The following ZNF229 variants were observed in gnomAD, a reference collection of about 807,000 sequenced individuals.
ZNF229 encodes the protein zinc finger protein 229.
ZNF229 carries 10 observed loss-of-function variants against 11.8 expected under a neutral mutation model. That is an observed-to-expected ratio of 0.85 (90% confidence interval 0.52 to 1.44). ZNF229 has a LOEUF of 1.44. ZNF229 is among the 40% of genes most tolerant of loss of function. The pLI is 0.00. For missense variants in ZNF229, 1,045 were observed against 1,015.1 expected (o/e 1.03, Z -0.40); for synonymous variants, 368 against 374.8 (o/e 0.98, Z 0.21).
In ZNF229 at chr19:44,432,336, C is replaced by A; in HGVS notation, c.124G>T (p.Val42Phe). ...EPLSFKDVAV[V>F]FTEEELELLD... ...AGCTCTAGCTCCTCCTCAGTGAAGA[C>A]CACAGCCACGTCCTTGAAGCTCAAT... is the stretch of plus-strand genomic sequence containing the variant. The change falls in exon 5 of 6, where the codon GTC (valine) becomes TTC (phenylalanine). Residue 42 changes from valine (V) to phenylalanine (F), a missense_variant. By Grantham distance (50) the Val-to-Phe change is conservative. Transcript: ENST00000614049. 1.2e-6 allele frequency: 2 copies of A among 1,613,558 alleles called. No individual in the cohort carries two copies. The highest frequency in any genetic ancestry group is 1.7e-6 in the Non-Finnish European group (2 of 1,179,878).
Position 44,430,258 on chromosome 19 carries a change from C to T in ZNF229, c.523G>A (p.Ala175Thr). ...LIGLENQQFP[A>T]WRAIRPIPIQ... Reference sequence around the variant, plus strand: ...GGGATTGGTCTTATAGCTCTCCAGGCTGGAAACTGTTGATTTTCTAGACCG... The same window carrying T: ...GGGATTGGTCTTATAGCTCTCCAGGTTGGAAACTGTTGATTTTCTAGACCG... Residue 175 changes from alanine to threonine, a missense_variant, in exon 6 of 6, where the codon GCC becomes ACC. By Grantham distance (58) the Ala-to-Thr change is moderately conservative (BLOSUM62 0). Coordinates refer to ENST00000614049, the MANE Select transcript of ZNF229 (RefSeq NM_014518.4). 6.2e-7 allele frequency: 1 copy of T among 1,614,146 alleles called. No individual in the cohort carries two copies. The highest frequency in any genetic ancestry group is 8.5e-7 in the Non-Finnish European group (1 of 1,180,052).
At position 44,429,638 on chromosome 19, in the gene ZNF229, C is replaced by T; in HGVS notation, c.1143G>A (p.Glu381=). ...HTGRRPYKCE[E]CGKAFGRSSN... ...AACTTCGACCAAATGCCTTCCCACA[C>T]TCCTCACATTTATAGGGTCTCCTTC... The change falls in exon 6 of 6, where the codon GAG becomes GAA. Residue 381 remains glutamate (E), a synonymous_variant. Coordinates refer to ENST00000614049, the MANE Select transcript of ZNF229 (RefSeq NM_014518.4). The T allele has an allele frequency of 1.9e-6, 3 of 1,614,132 alleles. No individual in the cohort carries two copies. Among genetic ancestry groups the T allele is most frequent in the South Asian group, 1.1e-5 (1 of 91,088 alleles).
chr19:44,435,555 G>A (rs1464473245), intron 4 of ZNF229, among the ~76,000 whole-genome samples: 1 of 151,108 alleles, frequency 6.6e-6, no homozygotes, highest in Non-Finnish European at 1.5e-5. Context: ...GAGACTCGGT[G>A]CCCAGGGTTT....
chr19:44,432,051 C>G, intron 5 of ZNF229, 171 bp downstream of exon 5: 1 of 1,297,622 alleles, frequency 7.7e-7, no homozygotes, highest in Non-Finnish European at 1.0e-6. Context: ...TGATCTCAGA[C>G]TGTGCCTTCC....
intron 3 of ZNF229, 67 bp from the exon 4 acceptor site, chr19:44,442,688 G>T: frequency 6.2e-7 from 1 of 1,604,030 alleles, no homozygotes; most frequent in East Asian, 2.2e-5. Flanking sequence ...CATCTACCTG[G>T]TAGGAAGGTG....
chr19:44,428,604 C>T lies in ZNF229; in HGVS notation c.2177G>A (p.Gly726Asp), dbSNP rs777199727. The T allele has an allele frequency of 1.2e-6, 2 of 1,613,688 alleles. No individual in the cohort carries two copies. The highest frequency in any genetic ancestry group is 1.7e-4 in the Middle Eastern group (1 of 6,056). ...GTGCACTCTCTTATGACTAAGGAGACCTGAGCCATATCTGAAACCCTTCCC... is the reference window on the plus strand; with the variant it reads ...GTGCACTCTCTTATGACTAAGGAGATCTGAGCCATATCTGAAACCCTTCCC... ...ECGKGFRYGS[G>D]LLSHKRVHTG... The change falls in exon 6 of 6, where the codon GGT becomes GAT. Residue 726 changes from glycine to aspartate, a missense_variant. Transcript: ENST00000614049.
intron 4 of ZNF229, among the ~76,000 whole-genome samples, chr19:44,440,161 A>G (rs1035741520): frequency 6.6e-6 from 1 of 152,178 alleles, no homozygotes; most frequent in Non-Finnish European, 1.5e-5. Flanking sequence ...TGTAAAAAAA[A>G]TCGCAGCTAG....
chr19:44,437,113 T>C (rs1322595489), intron 4 of ZNF229, among the ~76,000 whole-genome samples: 1 of 152,046 alleles, frequency 6.6e-6, no homozygotes, highest in Non-Finnish European at 1.5e-5. Flanking sequence ...CAAAAATAAA[T>C]TACAGTTATA....
In ZNF229 at chr19:44,430,990, G is replaced by A. The variant is rs1005472873; in HGVS notation, c.239-448C>T. Among the ~76,000 whole-genome samples the A allele has an allele frequency of 1.4e-4, 21 of 152,212 alleles. 1 individual carries two copies. The highest frequency in any genetic ancestry group is 4.8e-4 in the African/African-American group (20 of 41,498). On this transcript the variant is annotated intron_variant, in intron 5 of 5. Coordinates refer to ENST00000614049, the MANE Select transcript of ZNF229 (RefSeq NM_014518.4). ...ATGAAACCAAGTCAGAGAGAGGGTAGGTAACCTAGCACACTATTCCACCAT... is the reference window on the plus strand; with the variant it reads ...ATGAAACCAAGTCAGAGAGAGGGTAAGTAACCTAGCACACTATTCCACCAT...
At position 44,435,348 on chromosome 19, in the gene ZNF229, T is replaced by C. The variant is rs1473197434; in HGVS notation, c.94-2982A>G. Among the ~76,000 whole-genome samples the C allele has an allele frequency of 3.9e-5, 6 of 152,168 alleles. No individual in the cohort carries two copies. The East Asian group carries it at 9.6e-4, about 24-fold the overall frequency. ...AGGAGCTGATATACAGTGACACTCA[T>C]GGCTAAGACTTACTACGGTGAAAGA... is the stretch of plus-strand genomic sequence containing the variant. On this transcript the variant is annotated intron_variant, in intron 4 of 5. Coordinates refer to ENST00000614049, the MANE Select transcript of ZNF229 (RefSeq NM_014518.4).
At chr19:44,439,642 C>T (rs1228468448) in intron 4 of ZNF229, among the ~76,000 whole-genome samples, 1 of 151,982 alleles carries the variant, frequency 6.6e-6, no homozygotes, top group Non-Finnish European at 1.5e-5. Context: ...CAGGGTTTCA[C>T]CATGTTGGCC....
chr19:44,432,835 TATA>T (rs778174975), intron 4 of ZNF229, among the ~76,000 whole-genome samples: 6 of 151,728 alleles, frequency 4.0e-5, no homozygotes, highest in Non-Finnish European at 7.4e-5. Context: ...AAACTTAAAG[TATA>T]ATAATAATAA....
In ZNF229 at chr19:44,427,745, A is replaced by G. The variant is rs1971604319; in HGVS notation, c.*558T>C. On this transcript the variant is annotated 3_prime_UTR_variant, in exon 6 of 6. Coordinates refer to ENST00000614049, the MANE Select transcript of ZNF229 (RefSeq NM_014518.4). The stretch of plus-strand genomic sequence containing the variant: ...GATAAAACAGTCATAAAAACATGAT[A>G]AAAATGTGAGACACACACATCACCC... 6.5e-6 allele frequency: 1 copy of G among 152,824 alleles called. No homozygotes were observed. The highest frequency in any genetic ancestry group is 1.9e-4 in the East Asian group (1 of 5,216). The allele number at this position is 152,824 out of a possible 1,614,324, so 9.5% of individuals were successfully genotyped here.
chr19:44,437,915 G>T (rs1044786321), intron 4 of ZNF229, among the ~76,000 whole-genome samples: 1 of 152,178 alleles, frequency 6.6e-6, no homozygotes, highest in Admixed American at 6.5e-5. Flanking sequence ...GGAGGTAAAT[G>T]ATGAGAACGC....
rs749816463 is a variant in ZNF229 at position 44,429,733 on chromosome 19, T to C, written c.1048A>G (p.Arg350Gly). The change falls in exon 6 of 6, where the codon AGA becomes GGA. Residue 350 changes from arginine (R) to glycine (G), a missense_variant. Coordinates refer to ENST00000614049, the MANE Select transcript of ZNF229 (RefSeq NM_014518.4). ...AACCCCTTTCCACAGACATCACATC[T>C]ATAGGGCATGTCTCCCACAGGGGCT... ...PRAPVGDMPY[R>G]CDVCGKGFRY... The C allele has an allele frequency of 1.2e-6, 2 of 1,614,110 alleles. No individual in the cohort carries two copies. Among genetic ancestry groups the C allele is most frequent in the Non-Finnish European group, 1.7e-6 (2 of 1,180,034 alleles).
intron 4 of ZNF229, among the ~76,000 whole-genome samples, chr19:44,439,971 TTAA>T (rs1971879598): frequency 6.6e-6 from 1 of 152,130 alleles, no homozygotes; most frequent in Admixed American, 6.5e-5. Flanking sequence ...CTACAGAGGT[TTAA>T]TACTATGAGT....
In ZNF229 at chr19:44,429,694, C is replaced by A; in HGVS notation, c.1087G>T (p.Val363Phe). ...VCGKGFRYKS[V>F]LLIHQGVHTG... ...TGCACCCCTTGATGAATAAGAAGAA[C>A]CGATTTATACCTGAACCCCTTTCCA... Residue 363 changes from valine (V) to phenylalanine (F), a missense_variant, in exon 6 of 6, where the codon GTT becomes TTT. Val to Phe is a conservative substitution (Grantham distance 50). Transcript: ENST00000614049. 6.2e-7 allele frequency: 1 copy of A among 1,614,142 alleles called. No homozygotes were observed. Among genetic ancestry groups the A allele is most frequent in the South Asian group, 1.1e-5 (1 of 91,084 alleles).
Position 44,427,828 on chromosome 19 carries a change from G to A in ZNF229, c.*475C>T, listed in dbSNP as rs996467227. 1.3e-5 allele frequency: 2 copies of A among 154,918 alleles called. No individual in the cohort carries two copies. The highest frequency in any genetic ancestry group is 4.8e-5 in the African/African-American group (2 of 41,446). The allele number at this position is 154,918 out of a possible 1,614,324, so 9.6% of individuals were successfully genotyped here. On this transcript the variant is annotated 3_prime_UTR_variant, in exon 6 of 6. Transcript: ENST00000614049. The stretch of plus-strand genomic sequence containing the variant: ...CTCAGAGTGACTTGTTTCAATAAAT[G>A]TTAATGTTATCTTTTTGTTTTTATA...
intron 2 of ZNF229, among the ~76,000 whole-genome samples, chr19:44,444,546 C>A (rs970574213): frequency 6.6e-6 from 1 of 152,202 alleles, no homozygotes; most frequent in Non-Finnish European, 1.5e-5. Flanking sequence ...TGAAACAAGG[C>A]CTCCACCGCA....
Sources: allele counts gnomAD v4.1 joint callset (sites outside exome capture counted in the v4.1 genomes callset), GRCh38; gene constraint gnomAD v4.1.1; transcripts MANE v1.5; gene names NCBI Gene and HGNC (gene_info 2026-07-23, HGNC 2026-07-21).